Variants in SEMA5A observed in about 807,000 individuals in gnomAD.
SEMA5A encodes semaphorin 5A, also known as semaphorin-5A.
In SEMA5A, 55 loss-of-function variants were observed where a neutral mutation model predicts 135.5. The ratio of observed to expected loss-of-function variants is 0.41; its 90% confidence interval spans 0.33 to 0.51. The LOEUF is 0.51. Among genes scored for constraint, SEMA5A ranks in the 20% least tolerant of loss-of-function variants. The probability of loss-of-function intolerance (pLI) is 0.37; values close to 1 mark genes in which losing one functional copy is unlikely to be tolerated. For missense variants in SEMA5A, 1,290 were observed against 1,419.9 expected, an observed-to-expected ratio of 0.91 and a Z score of 1.47; for synonymous variants, 580 against 546.5, an observed-to-expected ratio of 1.06 and a Z score of -0.85.
chr5:9,362,577 T>A (rs1754744703), intron 3 of SEMA5A, among the ~76,000 whole-genome samples: 1 of 152,216 alleles, frequency 6.6e-6, no homozygotes, highest in Non-Finnish European at 1.5e-5. Context: ...TAGGTAGTTT[T>A]AAGTCCGTCC....
At chr5:9,471,128 T>G (rs2126754149) in intron 1 of SEMA5A, among the ~76,000 whole-genome samples, 1 of 152,300 alleles carries the variant, frequency 6.6e-6, no homozygotes, top group Admixed American at 6.5e-5. Context: ...CAGGGCTCAC[T>G]GACATAGAGT....
chr5:9,177,912 A>C (rs1487871782), intron 11 of SEMA5A, among the ~76,000 whole-genome samples: 2 of 152,254 alleles, frequency 1.3e-5, no homozygotes, highest in Non-Finnish European at 2.9e-5. Context: ...CATATTTGTC[A>C]GTATAATTTC....
intron 3 of SEMA5A, among the ~76,000 whole-genome samples, chr5:9,340,355 T>A (rs576521324): frequency 2.6e-5 from 4 of 152,320 alleles, no homozygotes; most frequent in Non-Finnish European, 4.4e-5. Context: ...GGCCAAGGGC[T>A]GACCTTCCTG....
intron 1 of SEMA5A, among the ~76,000 whole-genome samples, chr5:9,530,855 C>CA (rs1346542485): frequency 6.6e-6 from 1 of 152,120 alleles, no homozygotes. Context: ...TAAGGAGCTA[C>CA]AAAATCGGAG....
At chr5:9,223,354 C>T (rs12659869) in intron 8 of SEMA5A, among the ~76,000 whole-genome samples, 11,158 of 152,194 alleles carry the variant, frequency 0.073, 496 homozygotes, top group East Asian at 0.18. Context: ...TATATGTACA[C>T]GTATCCATGG....
chr5:9,520,283 C>G (rs1158696986), intron 1 of SEMA5A, among the ~76,000 whole-genome samples: 4 of 152,176 alleles, frequency 2.6e-5, no homozygotes, highest in Admixed American at 6.5e-5. Context: ...GGCTCTGCCT[C>G]GTGGGACCCA....
chr5:9,381,484 G>A (rs1755605655), intron 2 of SEMA5A, among the ~76,000 whole-genome samples: 1 of 152,174 alleles, frequency 6.6e-6, no homozygotes, highest in South Asian at 2.1e-4. Flanking sequence ...CAGAAGTCAT[G>A]TTGTGCTAGT....
At chr5:9,415,455 G>A (rs1407304574) in intron 2 of SEMA5A, among the ~76,000 whole-genome samples, 6 of 152,102 alleles carry the variant, frequency 3.9e-5, no homozygotes, top group African/African-American at 1.4e-4. Flanking sequence ...ACACACCAGA[G>A]CATAAATAAT....
intron 1 of SEMA5A, among the ~76,000 whole-genome samples, chr5:9,508,414 G>A (rs1306498462): frequency 6.6e-6 from 1 of 152,112 alleles, no homozygotes; most frequent in East Asian, 1.9e-4. Flanking sequence ...TGGTCTCCTT[G>A]CGTCTGATCG....
chr5:9,221,307 T>C (rs1030488089), intron 8 of SEMA5A, among the ~76,000 whole-genome samples: 2 of 146,396 alleles, frequency 1.4e-5, no homozygotes, highest in Non-Finnish European at 1.5e-5. Flanking sequence ...TTCTTTTTTT[T>C]TTTTTTTTTT....
At chr5:9,043,176 C>T (rs257087) in intron 22 of SEMA5A, 160 bp from the exon 23 acceptor site, 568,697 of 653,872 alleles carry the variant, frequency 0.87, 247,699 homozygotes, top group East Asian at 0.96. Context: ...ATTATTTGCC[C>T]CATGGAGGAC....
chr5:9,225,768 C>T (rs550651751), intron 7 of SEMA5A, among the ~76,000 whole-genome samples: 1 of 151,902 alleles, frequency 6.6e-6, no homozygotes, highest in African/African-American at 2.4e-5. Context: ...CGTATGAATC[C>T]AGCTTCCCAA....
At chr5:9,496,757 AGGAAGGCTG>A (rs1735324146) in intron 1 of SEMA5A, among the ~76,000 whole-genome samples, 1 of 152,202 alleles carries the variant, frequency 6.6e-6, no homozygotes, top group Non-Finnish European at 1.5e-5. Flanking sequence ...CAATTACCTG[AGGAAGGCTG>A]GGTCTCCAAA....
chr5:9,217,924 C>T (rs1451432054), intron 8 of SEMA5A, among the ~76,000 whole-genome samples: 2 of 152,164 alleles, frequency 1.3e-5, no homozygotes, highest in African/African-American at 4.8e-5. Context: ...CCTTGGATTG[C>T]ATTTTGCTGT....
chr5:9,334,034 C>T (rs537055150), intron 4 of SEMA5A, among the ~76,000 whole-genome samples: 4 of 152,202 alleles, frequency 2.6e-5, no homozygotes, highest in Non-Finnish European at 5.9e-5. Flanking sequence ...GATCCAAGTA[C>T]CTTCCGATTC....
At chr5:9,054,345 G>T in intron 18 of SEMA5A, 88 bp from the exon 19 acceptor site, 1 of 1,480,544 alleles carries the variant, frequency 6.8e-7, no homozygotes, top group Non-Finnish European at 9.1e-7. Context: ...AGTGGATTCT[G>T]TTTAGTAAGG....
chr5:9,124,186 G>T (rs970555762), intron 13 of SEMA5A, among the ~76,000 whole-genome samples: 1 of 152,106 alleles, frequency 6.6e-6, no homozygotes, highest in South Asian at 2.1e-4. Context: ...TGCTGGTGTG[G>T]CACCTCTGAA....
At chr5:9,124,603 C>T (rs919442938) in intron 13 of SEMA5A, among the ~76,000 whole-genome samples, 1 of 152,048 alleles carries the variant, frequency 6.6e-6, no homozygotes, top group Admixed American at 6.5e-5. Flanking sequence ...ACTACAGGCA[C>T]CTGTGACCAC....
At chr5:9,511,629 C>T (rs1161298194) in intron 1 of SEMA5A, among the ~76,000 whole-genome samples, 1 of 152,044 alleles carries the variant, frequency 6.6e-6, no homozygotes, top group African/African-American at 2.4e-5. Flanking sequence ...TAACATTCTA[C>T]CACATGGTGA....
Sources: gnomAD v4.1 joint callset for allele counts (sites outside exome capture counted in the v4.1 genomes callset) on GRCh38, gnomAD v4.1.1 for gene constraint, MANE v1.5 for transcripts, NCBI Gene and HGNC (gene_info 2026-07-23, HGNC 2026-07-21) for gene names.